BLTP1: variants seen among roughly 807,000 people sequenced by gnomAD.
BLTP1 encodes bridge-like lipid transfer protein family member 1.
the BLTP1 span, chr4:122,250,083 T>G: frequency 1.3e-6 from 1 of 760,288 alleles, no homozygotes; most frequent in Non-Finnish European, 1.6e-6. Flanking sequence ...TGCTTTTTTA[T>G]ATATTCTTGA....
At chr4:122,224,837 T>A in the BLTP1 span, 1 of 1,532,230 alleles carries the variant, frequency 6.5e-7, no homozygotes, top group Non-Finnish European at 8.8e-7. Flanking sequence ...TAGTTATAGG[T>A]GAATCAGAGA....
the BLTP1 span, among the ~76,000 whole-genome samples, chr4:122,264,792 TAAA>T: frequency 2.0e-5 from 3 of 152,070 alleles, no homozygotes; most frequent in Admixed American, 2.0e-4. Flanking sequence ...AGGAATAAAG[TAAA>T]AAACTATAGA....
chr4:122,213,892 T>G, the BLTP1 span, among the ~76,000 whole-genome samples: 1 of 152,188 alleles, frequency 6.6e-6, no homozygotes, highest in Non-Finnish European at 1.5e-5. Flanking sequence ...TTTTCTGAAT[T>G]GACTTCTCTT....
chr4:122,324,356 T>C, the BLTP1 span: 1 of 1,448,248 alleles, frequency 6.9e-7, no homozygotes, highest in African/African-American at 1.4e-5. Flanking sequence ...GTAGAATATT[T>C]TCTTTTATTT....
At chr4:122,194,284 A>G in the BLTP1 span, among the ~76,000 whole-genome samples, 1 of 152,206 alleles carries the variant, frequency 6.6e-6, no homozygotes, top group African/African-American at 2.4e-5. Flanking sequence ...TAACAATTAT[A>G]TGGTAAATGA....
chr4:122,152,644 C>G, the BLTP1 span: 2 of 985,378 alleles, frequency 2.0e-6, no homozygotes, highest in Non-Finnish European at 2.4e-6. Context: ...TCCAGTGTCT[C>G]TGGAACTCAA....
the BLTP1 span, among the ~76,000 whole-genome samples, chr4:122,206,817 A>C: frequency 9.2e-5 from 14 of 151,812 alleles, no homozygotes; most frequent in African/African-American, 3.4e-4. Flanking sequence ...AATGTTGGCT[A>C]TTTGGGTAGT....
At chr4:122,222,439 A>G in the BLTP1 span, among the ~76,000 whole-genome samples, 1 of 152,164 alleles carries the variant, frequency 6.6e-6, no homozygotes, top group African/African-American at 2.4e-5. Context: ...TGGTCATCTT[A>G]TGTATTAATT....
At chr4:122,306,639 A>C in the BLTP1 span, 1 of 955,810 alleles carries the variant, frequency 1.0e-6, no homozygotes, top group Non-Finnish European at 1.2e-6. Flanking sequence ...AGTCCCTGGC[A>C]TACAATAAGA....
the BLTP1 span, chr4:122,336,895 G>A: frequency 1.2e-6 from 2 of 1,601,282 alleles, no homozygotes; most frequent in South Asian, 1.1e-5. Flanking sequence ...CAGCTCACAA[G>A]ATGAAGATAT....
At chr4:122,356,786 G>A in the BLTP1 span, 20 of 1,592,330 alleles carry the variant, frequency 1.3e-5, no homozygotes, top group Non-Finnish European at 1.7e-5. Context: ...CTTTTAGGCT[G>A]CAAGAATGGC....
the BLTP1 span, chr4:122,174,509 C>T: frequency 6.3e-7 from 1 of 1,581,562 alleles, no homozygotes; most frequent in Non-Finnish European, 8.6e-7. Flanking sequence ...TTATTTTAAA[C>T]TTTAAGGGCC....
At chr4:122,205,911 A>G in the BLTP1 span, 1 of 983,732 alleles carries the variant, frequency 1.0e-6, no homozygotes, top group South Asian at 4.7e-5. Context: ...ATTGAAAGAC[A>G]TTGCTGGGAG....
the BLTP1 span, among the ~76,000 whole-genome samples, chr4:122,212,272 A>T: frequency 6.6e-6 from 1 of 152,194 alleles, no homozygotes; most frequent in African/African-American, 2.4e-5. Flanking sequence ...GCAAGGGAAA[A>T]TGTGGTTAAT....
At chr4:122,340,601 A>T in the BLTP1 span, 5 of 309,316 alleles carry the variant, frequency 1.6e-5, no homozygotes, top group Non-Finnish European at 2.4e-5. Context: ...GTTATAGGAA[A>T]TCATTTGTTT....
At chr4:122,181,045 T>C in the BLTP1 span, among the ~76,000 whole-genome samples, 1 of 152,204 alleles carries the variant, frequency 6.6e-6, no homozygotes, top group Non-Finnish European at 1.5e-5. Flanking sequence ...AACATTATGA[T>C]ATATCATTGC....
chr4:122,175,093 A>G, the BLTP1 span: 5 of 963,742 alleles, frequency 5.2e-6, no homozygotes, highest in Non-Finnish European at 6.2e-6. Context: ...TGAATATAAT[A>G]AGGATATGAT....
the BLTP1 span, among the ~76,000 whole-genome samples, chr4:122,163,779 A>G: frequency 1.3e-5 from 2 of 152,202 alleles, no homozygotes; most frequent in African/African-American, 4.8e-5. Flanking sequence ...ATTTGAACCC[A>G]GGTGAAGCAT....
chr4:122,221,883 CCCTTCAA>C, the BLTP1 span: 1 of 983,640 alleles, frequency 1.0e-6, no homozygotes, highest in Non-Finnish European at 1.2e-6. Flanking sequence ...TACCTGGTAG[CCCTTCAA>C]CTTTTAATCA....
Sources: gnomAD v4.1 joint callset for allele counts (sites outside exome capture counted in the v4.1 genomes callset) on GRCh38, gnomAD v4.1.1 for gene constraint, MANE v1.5 for transcripts, NCBI Gene and HGNC (gene_info 2026-07-23, HGNC 2026-07-21) for gene names.